Variants in CSDE1 observed in about 807,000 individuals in gnomAD.
CSDE1 encodes the protein cold shock domain containing E1, also known as cold shock domain-containing protein E1.
Under a neutral mutation model 89.3 loss-of-function variants are expected in CSDE1, and 17 were observed. The ratio of observed to expected loss-of-function variants is 0.19; its 90% CI spans 0.13 to 0.29. The LOEUF (loss-of-function observed/expected upper bound fraction) is 0.29, where lower values mean the gene tolerates loss of function less well. Among genes scored for constraint, CSDE1 ranks in the 10% least tolerant of loss-of-function variants. The pLI is 1.00. For synonymous variants in CSDE1, 322 were observed against 332.8 expected (o/e 0.97, Z 0.35); for missense variants, 672 against 984.2 (o/e 0.68, Z 4.24).
chr1:114,747,196 T>C (rs929637211), intron 2 of CSDE1, among the ~76,000 whole-genome samples: 1 of 152,372 alleles, frequency 6.6e-6, no homozygotes, highest in East Asian at 1.9e-4. Context: ...TGCCATTTTA[T>C]GGCTAATTCT....
intron 2 of CSDE1, among the ~76,000 whole-genome samples, chr1:114,742,971 C>T (rs893861508): frequency 2.0e-5 from 3 of 152,132 alleles, no homozygotes; most frequent in Admixed American, 2.0e-4. Flanking sequence ...CCTATTTGTA[C>T]CACTGTGTTT....
rs1557995654 is a variant in CSDE1 at position 114,730,665 on chromosome 1, ATT to A, written c.1051-19_1051-18del. The A allele has an allele frequency of 6.2e-7, 1 of 1,610,700 alleles. No homozygotes were observed. The highest frequency in any genetic ancestry group is 2.2e-5 in the East Asian group (1 of 44,806). On this transcript the variant is annotated intron_variant, in intron 10 of 19. Transcript: ENST00000358528. ...AATCACACCCTGAAACCCAAATAAT[ATT>A]TTCACTGGCTGTGAAACTTGTCAAG...
chr1:114,724,628 CATT>C (rs1337494619), intron 15 of CSDE1, among the ~76,000 whole-genome samples: 2 of 152,168 alleles, frequency 1.3e-5, no homozygotes, highest in Non-Finnish European at 2.9e-5. Flanking sequence ...TTTAACTTCC[CATT>C]ATTTTTCACA....
Position 114,716,959 on chromosome 1 carries a change from T to A in CSDE1, c.*1210A>T, listed in dbSNP as rs6694035. ...TAAAACTTTATTCGCTTCCATTCTT[T>A]CGCCATTAACAGAAAACTGGAGAAA... On this transcript the variant is annotated 3_prime_UTR_variant, in exon 20 of 20. Transcript: ENST00000358528. The A allele has an allele frequency of 7.2e-5, 11 of 152,802 alleles. No individual in the cohort carries two copies. The East Asian group carries it at 1.9e-3, about 27-fold the overall frequency. The allele number at this position is 152,802 out of a possible 1,614,324, so 9.5% of individuals were successfully genotyped here.
At chr1:114,734,351 A>G (rs1660275105) in intron 7 of CSDE1, 91 bp downstream of exon 7, 3 of 1,256,030 alleles carry the variant, frequency 2.4e-6, no homozygotes, top group South Asian at 2.7e-5. Flanking sequence ...AGGGTAAGAT[A>G]AAAAAGAAAA....
chr1:114,720,776 C>T (rs2101008608), intron 16 of CSDE1, 59 bp from the exon 17 acceptor site: 1 of 1,476,308 alleles, frequency 6.8e-7, no homozygotes, highest in Non-Finnish European at 9.3e-7. Context: ...CTGCTGATGA[C>T]CCTAGGAAGT....
chr1:114,749,627 T>C (rs1661199555), intron 2 of CSDE1, among the ~76,000 whole-genome samples, 194 bp downstream of exon 2: 1 of 152,192 alleles, frequency 6.6e-6, no homozygotes, highest in African/African-American at 2.4e-5. Flanking sequence ...TATAATCTGG[T>C]ATGAAAAATG....
At chr1:114,734,352 A>G in intron 7 of CSDE1, 90 bp downstream of exon 7, 2 of 1,271,364 alleles carry the variant, frequency 1.6e-6, no homozygotes, top group Non-Finnish European at 2.2e-6. Context: ...GGGTAAGATA[A>G]AAAAGAAAAA....
At chr1:114,734,269 A>C (rs1660270475) in intron 7 of CSDE1, 152 bp from the exon 8 acceptor site, 2 of 1,149,558 alleles carry the variant, frequency 1.7e-6, no homozygotes, top group Non-Finnish European at 2.5e-6. Flanking sequence ...GCCAATTTTA[A>C]AGAAGATAAT....
chr1:114,731,651 C>T (rs937525275), intron 10 of CSDE1, among the ~76,000 whole-genome samples: 1 of 152,180 alleles, frequency 6.6e-6, no homozygotes, highest in South Asian at 2.1e-4. Flanking sequence ...TGGTTTATGC[C>T]ACTCCCAGAC....
At chr1:114,744,175 AATGT>A (rs776554763) in intron 2 of CSDE1, among the ~76,000 whole-genome samples, 9 of 152,226 alleles carry the variant, frequency 5.9e-5, no homozygotes, top group Non-Finnish European at 1.2e-4. Context: ...CCAGTAGGTA[AATGT>A]TACTTGACTT....
Position 114,741,126 on chromosome 1 carries a change from G to C in CSDE1, c.1-1236C>G, listed in dbSNP as rs138042589. 2.6e-4 allele frequency among the ~76,000 whole-genome samples: 39 copies of C among 152,244 alleles called. No homozygotes were observed. In the East Asian group the frequency reaches 6.8e-3, roughly 26 times the overall value. On this transcript the variant is annotated intron_variant, in intron 2 of 19. Transcript: ENST00000358528. ...TCACAAAAGCCCACAAGAAAGTATT[G>C]TATTCGCCTCATTTTACCAATGAGA...
intron 12 of CSDE1, among the ~76,000 whole-genome samples, chr1:114,729,126 T>G (rs1183212034): frequency 6.6e-6 from 1 of 151,894 alleles, no homozygotes; most frequent in Admixed American, 6.6e-5. Context: ...GGAGACGGAG[T>G]CTCACTCAGT....
At chr1:114,729,501 C>A (rs1570909877) in intron 12 of CSDE1, among the ~76,000 whole-genome samples, 1 of 134,992 alleles carries the variant, frequency 7.4e-6, no homozygotes, top group Admixed American at 8.5e-5. Flanking sequence ...CAACAAAAAC[C>A]CACACACAAA....
intron 2 of CSDE1, chr1:114,741,536 A>G (rs201183962): frequency 8.4e-6 from 13 of 1,548,760 alleles, no homozygotes; most frequent in East Asian, 2.4e-5. Flanking sequence ...CAGATCTCTG[A>G]TAAGTTGGGG....
At chr1:114,730,227 A>C in intron 12 of CSDE1, 31 bp downstream of exon 12, 2 of 1,604,990 alleles carry the variant, frequency 1.2e-6, no homozygotes, top group Non-Finnish European at 1.7e-6. Context: ...ATAAACAGCT[A>C]CAAAAATCAT....
chr1:114,723,884 C>A lies in CSDE1; in HGVS notation c.1872G>T (p.Glu624Asp), dbSNP rs773483223. 6.2e-7 allele frequency: 1 copy of A among 1,613,942 alleles called. No homozygotes were observed. The highest frequency in any genetic ancestry group is 1.1e-5 in the South Asian group (1 of 91,064). Residue 624 changes from glutamate (E) to aspartate (D), a missense_variant and splice_region_variant, in exon 16 of 20, where the codon GAG (glutamate) becomes GAT (aspartate). Coordinates refer to ENST00000358528, the MANE Select transcript of CSDE1 (RefSeq NM_001007553.3). ...EYQGMIEIVE[E>D]GDMKGEVYPF... ...CAGCCTGATAGTGATGATCCTTACCCTCCTCCACAATCTCAATCATTCCTT... is the reference window on the plus strand; with the variant it reads ...CAGCCTGATAGTGATGATCCTTACCATCCTCCACAATCTCAATCATTCCTT...
intron 6 of CSDE1, 142 bp from the exon 7 acceptor site, chr1:114,734,665 A>G (rs866090157): frequency 1.3e-5 from 8 of 624,800 alleles, no homozygotes; most frequent in Middle Eastern, 5.3e-4. Context: ...AGGGTTTATG[A>G]CATTTGATTA....
In CSDE1 at chr1:114,719,679, G is replaced by C; in HGVS notation, c.2116C>G (p.Gln706Glu). The C allele has an allele frequency of 6.2e-7, 1 of 1,613,944 alleles. No homozygotes were observed. Among genetic ancestry groups the C allele is most frequent in the Non-Finnish European group, 8.5e-7 (1 of 1,179,988 alleles). Residue 706 changes from glutamine (Q) to glutamate (E), a missense_variant, in exon 18 of 20, where the codon CAG becomes GAG. Gln to Glu is a conservative substitution (Grantham distance 29, BLOSUM62 2). This residue lies in a region of CSDE1 where 206 missense variants were observed against 332.4 expected (regional missense o/e 0.62). Coordinates refer to ENST00000358528, the MANE Select transcript of CSDE1 (RefSeq NM_001007553.3). ...CCTGCCTGTAGCTCAATGCCATCCT[G>C]AACTTCTTTCACATGGAAAAAGAGC... ...KKLFFHVKEVQDGIELQAGDE... is the reference protein window; with the variant it reads ...KKLFFHVKEVEDGIELQAGDE...
Sources: gnomAD v4.1 joint callset for allele counts (sites outside exome capture counted in the v4.1 genomes callset) on GRCh38, gnomAD v4.1.1 for gene constraint, gnomAD v4.1.1 regional missense constraint, MANE v1.5 for transcripts, NCBI Gene and HGNC (gene_info 2026-07-23, HGNC 2026-07-21) for gene names.